Variants in DISP3 observed in about 807,000 individuals in gnomAD.
DISP3 encodes the protein protein dispatched homolog 3.
Under a neutral mutation model 135.3 loss-of-function variants are expected in DISP3, and 101 were observed. The observed-to-expected ratio is 0.75, with a 90% CI of 0.64 to 0.88. The LOEUF (loss-of-function observed/expected upper bound fraction) is 0.88, where lower values mean the gene tolerates loss of function less well. Among genes scored for constraint, DISP3 ranks in the 40% least tolerant of loss-of-function variants. The pLI, the probability that DISP3 is intolerant of heterozygous loss-of-function variation, is 0.00. For missense variants in DISP3, 1,713 were observed against 1,878.6 expected, an observed-to-expected ratio of 0.91 and a Z score of 1.63; for synonymous variants, 856 against 817.0, an observed-to-expected ratio of 1.05 and a Z score of -0.81.
At chr1:11,488,350 G>C (rs1191715429) in intron 1 of DISP3, among the ~76,000 whole-genome samples, 1 of 152,136 alleles carries the variant, frequency 6.6e-6, no homozygotes, top group Non-Finnish European at 1.5e-5. Flanking sequence ...CCCACAGCAA[G>C]GGCCTCTGTG....
In DISP3 at chr1:11,535,088, A is replaced by G; in HGVS notation, c.3613A>G (p.Ile1205Val). Residue 1205 changes from isoleucine to valine, a missense_variant, in exon 19 of 21, where the codon ATC becomes GTC. This residue lies in a region of DISP3 where 1,142 missense variants were observed against 1,384.6 expected (regional missense o/e 0.82). Transcript: ENST00000294484. ...VAAVAVFTTH[I>V]LLLLPVLLSI... ...CGCGGTGGCCGTGTTCACCACCCAC[A>G]TCCTGCTCCTGCTGCCCGTGCTCCT... is the stretch of plus-strand genomic sequence containing the variant. The G allele has an allele frequency of 1.2e-6, 2 of 1,609,368 alleles. No homozygotes were observed. Among genetic ancestry groups the G allele is most frequent in the South Asian group, 1.1e-5 (1 of 89,886 alleles).
Position 11,515,440 on chromosome 1 carries a change from G to T in DISP3, c.1525G>T (p.Val509Phe). Residue 509 changes from valine to phenylalanine, a missense_variant, in exon 5 of 21, where the codon GTC becomes TTC. Transcript: ENST00000294484. ...CLVALFLYHV[V>F]FGIQYLGILN... is the part of the protein sequence containing the mutation. ...GGTGGCCCTCTTCCTGTACCACGTG[G>T]TCTTTGGTATCCAGTACTTGGGCAT... is the stretch of plus-strand genomic sequence containing the variant. 6.2e-7 allele frequency: 1 copy of T among 1,613,962 alleles called. No homozygotes were observed. The highest frequency in any genetic ancestry group is 8.5e-7 in the Non-Finnish European group (1 of 1,179,890).
chr1:11,515,950 C>G, intron 5 of DISP3, 51 bp from the exon 6 acceptor site: 1 of 1,595,336 alleles, frequency 6.3e-7, no homozygotes, highest in East Asian at 2.2e-5. Context: ...TGGGCCTAAT[C>G]CTGGAGACAG....
chr1:11,531,000 G>T lies in DISP3; in HGVS notation c.3196G>T (p.Val1066Leu). Residue 1066 changes from valine (V) to leucine (L), a missense_variant, in exon 16 of 21, where the codon GTG (valine) becomes TTG (leucine). Coordinates refer to ENST00000294484, the MANE Select transcript of DISP3 (RefSeq NM_020780.2). ...CKAIAANSEL[V>L]KPGGAQCLPS... ...GGCCATCGCAGCCAACTCCGAGCTG[G>T]TGAAGCCGGGTGGGGCCCAGTGCCT... is the stretch of plus-strand genomic sequence containing the variant. 1 of 1,613,978 alleles carries T rather than the reference G, an allele frequency of 6.2e-7. No homozygotes were observed. Among genetic ancestry groups the T allele is most frequent in the Non-Finnish European group, 8.5e-7 (1 of 1,179,998 alleles).
chr1:11,517,090 C>G (rs1208435278), intron 6 of DISP3, among the ~76,000 whole-genome samples: 6 of 152,204 alleles, frequency 3.9e-5, no homozygotes, highest in African/African-American at 1.4e-4. Context: ...AGCATTCTCT[C>G]CCTCCCCCTC....
chr1:11,495,444 G>A (rs1463188435), intron 1 of DISP3, among the ~76,000 whole-genome samples: 2 of 152,128 alleles, frequency 1.3e-5, no homozygotes, highest in South Asian at 4.2e-4. Flanking sequence ...GGCATTTTGA[G>A]TCCAGAAGCC....
At position 11,491,490 on chromosome 1, in the gene DISP3, A is replaced by G. The variant is rs1641180812; in HGVS notation, c.-3-9500A>G. On this transcript the variant is annotated intron_variant, in intron 1 of 20. Coordinates refer to ENST00000294484, the MANE Select transcript of DISP3 (RefSeq NM_020780.2). The surrounding 1 kb of genome is among the most constrained non-coding windows in gnomAD (Gnocchi z 4.3). The stretch of plus-strand genomic sequence containing the variant: ...GCCAGGTGTGGTGGCATGCACCTGT[A>G]GTCTCAGCTACTTGGGAGGCTGAGC... 6.6e-6 allele frequency among the ~76,000 whole-genome samples: 1 copy of G among 152,200 alleles called. No homozygotes were observed. The highest frequency in any genetic ancestry group is 1.5e-5 in the Non-Finnish European group (1 of 68,030).
At chr1:11,526,957 T>C (rs1642438770) in intron 13 of DISP3, 122 bp downstream of exon 13, 2 of 1,225,844 alleles carry the variant, frequency 1.6e-6, no homozygotes, top group Non-Finnish European at 2.2e-6. Context: ...TTTTTTTTTT[T>C]TCTTACTCTG....
chr1:11,524,826 C>G (rs909474769), intron 11 of DISP3, among the ~76,000 whole-genome samples: 1 of 120,100 alleles, frequency 8.3e-6, no homozygotes, highest in Non-Finnish European at 1.8e-5. Flanking sequence ...TACCATCTCC[C>G]CCATCATCCC....
chr1:11,496,402 A>G (rs1641334748), intron 1 of DISP3, among the ~76,000 whole-genome samples: 1 of 152,284 alleles, frequency 6.6e-6, no homozygotes, highest in East Asian at 1.9e-4. Flanking sequence ...GAGAAAGGGC[A>G]TTGGTCACTG....
chr1:11,508,162 C>CT (rs1344383280), intron 3 of DISP3, among the ~76,000 whole-genome samples: 5 of 152,190 alleles, frequency 3.3e-5, no homozygotes, highest in Admixed American at 1.3e-4. Flanking sequence ...TAGTTCATGC[C>CT]TATAATCCCA....
At chr1:11,511,712 C>G (rs755190840) in intron 3 of DISP3, among the ~76,000 whole-genome samples, 3 of 152,136 alleles carry the variant, frequency 2.0e-5, no homozygotes, top group African/African-American at 7.2e-5. Flanking sequence ...CCTCTTCTCA[C>G]AGCTCCACTA....
At chr1:11,532,239 A>G (rs1290487571) in intron 17 of DISP3, among the ~76,000 whole-genome samples, 1 of 151,906 alleles carries the variant, frequency 6.6e-6, no homozygotes, top group Non-Finnish European at 1.5e-5. Context: ...CACTGTGGGG[A>G]CTCTCGGCCC....
At chr1:11,517,343 C>G (rs2100458880) in intron 6 of DISP3, 120 bp from the exon 7 acceptor site, 1 of 1,348,394 alleles carries the variant, frequency 7.4e-7, no homozygotes, top group South Asian at 1.3e-5. Context: ...GGGCCTCCTC[C>G]TACTGCCTCA....
At chr1:11,492,117 G>A (rs1411523136) in intron 1 of DISP3, among the ~76,000 whole-genome samples, 27 of 85,898 alleles carry the variant, frequency 3.1e-4, no homozygotes, top group African/African-American at 1.2e-3. Context: ...GCGAGACTCC[G>A]TCTCAAAAAA....
At position 11,502,894 on chromosome 1, in the gene DISP3, C is replaced by T; in HGVS notation, c.1313C>T (p.Thr438Ile). The change falls in exon 3 of 21, where the codon ACC becomes ATC. Residue 438 changes from threonine (T) to isoleucine (I), a missense_variant. Thr to Ile is a moderately conservative substitution (Grantham distance 89, BLOSUM62 -1). Coordinates refer to ENST00000294484, the MANE Select transcript of DISP3 (RefSeq NM_020780.2). ...TYVAMLAKQS[T>I]SKVQVLYGGT... is the part of the protein sequence containing the mutation. ...GTGGCCATGCTGGCCAAGCAGTCTA[C>T]CAGGTAGGAAGTCCAGCTGCATCCT... 6.2e-7 allele frequency: 1 copy of T among 1,611,140 alleles called. No individual in the cohort carries two copies. The highest frequency in any genetic ancestry group is 1.1e-5 in the South Asian group (1 of 90,666).
rs570445815 is a variant in DISP3 at position 11,535,105 on chromosome 1, C to T, written c.3630C>T (p.Pro1210=). The part of the protein sequence containing the change: ...VFTTHILLLL[P]VLLSILGIVC... ...CCACCCACATCCTGCTCCTGCTGCC[C>T]GTGCTCCTCAGCATCTTGGGTACGT... The change falls in exon 19 of 21, where the codon CCC becomes CCT. Residue 1210 remains proline (P), a synonymous_variant. Transcript: ENST00000294484. The T allele has an allele frequency of 1.7e-5, 28 of 1,607,610 alleles. No homozygotes were observed. The highest frequency in any genetic ancestry group is 1.5e-4 in the South Asian group (13 of 89,622).
At position 11,536,490 on chromosome 1, in the gene DISP3, T is replaced by G. The variant is rs2100523361; in HGVS notation, c.3983T>G (p.Val1328Gly). The change falls in exon 21 of 21, where the codon GTG (valine) becomes GGG (glycine). Residue 1328 changes from valine to glycine, a missense_variant. Coordinates refer to ENST00000294484, the MANE Select transcript of DISP3 (RefSeq NM_020780.2). The surrounding 1 kb of genome is among the most constrained non-coding windows in gnomAD (Gnocchi z 4.3). ...FGKIVALNTGVSILYTLTVST... is the reference protein window; with the variant it reads ...FGKIVALNTGGSILYTLTVST... ...AAGATTGTGGCACTCAACACGGGCG[T>G]GTCCATCCTCTACACGCTGACCGTC... 1 of 1,613,464 alleles carries G rather than the reference T, an allele frequency of 6.2e-7. No homozygotes were observed. Among genetic ancestry groups the G allele is most frequent in the Admixed American group, 1.7e-5 (1 of 60,030 alleles).
Position 11,531,137 on chromosome 1 carries a change from C to A in DISP3, c.3229+104C>A. 1 of 1,522,698 alleles carries A rather than the reference C, an allele frequency of 6.6e-7. No homozygotes were observed. Among genetic ancestry groups the A allele is most frequent in the Non-Finnish European group, 8.9e-7 (1 of 1,127,142 alleles). The allele number at this position is 1,522,698 out of a possible 1,614,324, so 94.3% of individuals were successfully genotyped here. On this transcript the variant is annotated intron_variant, in intron 16 of 20. Transcript: ENST00000294484. This position sits in a 1 kb window ranked among gnomAD's most constrained non-coding sequence, Gnocchi z 5.2. The stretch of plus-strand genomic sequence containing the variant: ...AGACAGCCCGAAGGACAGTGTCTGG[C>A]ATGTGGGGGTCTTTTGCAGATGTGT...
Sources: allele counts gnomAD v4.1 joint callset (sites outside exome capture counted in the v4.1 genomes callset), GRCh38; gene constraint gnomAD v4.1.1; regional missense constraint gnomAD v4.1.1; non-coding constraint Gnocchi (gnomAD v3.1); transcripts MANE v1.5; gene names NCBI Gene and HGNC (gene_info 2026-07-23, HGNC 2026-07-21).